Variants in ITPR1 observed in about 807,000 individuals in gnomAD.
ITPR1 encodes inositol 1,4,5-trisphosphate receptor type 1, also known as inositol 1,4,5-trisphosphate-gated calcium channel ITPR1.
ITPR1 carries 96 observed loss-of-function variants against 318.4 expected under a neutral mutation model. The observed-to-expected ratio is 0.30, with a 90% CI of 0.26 to 0.36. The LOEUF (loss-of-function observed/expected upper bound fraction) is 0.36, where lower values mean the gene tolerates loss of function less well. Among genes scored for constraint, ITPR1 ranks in the 10% least tolerant of loss-of-function variants. The pLI, the probability that ITPR1 is intolerant of heterozygous loss-of-function variation, is 1.00. For missense variants in ITPR1, 2,440 were observed against 3,460.2 expected (o/e 0.71, Z 7.40); for synonymous variants, 1,312 against 1,289.9 (o/e 1.02, Z -0.37).
At chr3:4,813,353 G>A in intron 57 of ITPR1, 119 bp downstream of exon 57, 1 of 661,774 alleles carries the variant, frequency 1.5e-6, no homozygotes, top group South Asian at 2.4e-5. Flanking sequence ...TATAGCAAAG[G>A]GGAAAGGCTG....
intron 33 of ITPR1, among the ~76,000 whole-genome samples, chr3:4,696,198 C>G (rs2125253882): frequency 6.6e-6 from 1 of 152,272 alleles, no homozygotes; most frequent in South Asian, 2.1e-4. Flanking sequence ...TGTGCAATCA[C>G]CATCACAATT....
chr3:4,626,531 G>A (rs996099156), intron 4 of ITPR1, among the ~76,000 whole-genome samples: 1 of 152,036 alleles, frequency 6.6e-6, no homozygotes, highest in Non-Finnish European at 1.5e-5. Context: ...TTGGTTTGCT[G>A]GGTTGCATTA....
chr3:4,539,717 TATC>T (rs1254172274), intron 4 of ITPR1, among the ~76,000 whole-genome samples: 1 of 152,110 alleles, frequency 6.6e-6, no homozygotes, highest in African/African-American at 2.4e-5. Context: ...ATTAATGAGT[TATC>T]ATGGAAAGAG....
rs927137497 is a variant in ITPR1, at chr3:4,811,535, C to T, written c.7468+75C>T. ...ATTATAACTGAACTAAAGAAAATAA[C>T]GACTTTAGTAATGCAGATATCTCCC... On this transcript the variant is annotated intron_variant, in intron 56 of 61. Coordinates refer to ENST00000649015, the MANE Select transcript of ITPR1 (RefSeq NM_001378452.1). The T allele has an allele frequency of 3.7e-5, 46 of 1,229,060 alleles. No individual in the cohort carries two copies. In the East Asian group the frequency reaches 7.9e-4, roughly 21 times the overall value. The allele number at this position is 1,229,060 out of a possible 1,614,324, so 76.1% of individuals were successfully genotyped here.
At chr3:4,666,735 T>C (rs977963028) in intron 17 of ITPR1, among the ~76,000 whole-genome samples, 5 of 152,224 alleles carry the variant, frequency 3.3e-5, no homozygotes, top group African/African-American at 1.2e-4. Flanking sequence ...GGAAGCATCT[T>C]TGAACAGAAA....
At chr3:4,791,902 C>G (rs995847867) in intron 52 of ITPR1, among the ~76,000 whole-genome samples, 5 of 152,306 alleles carry the variant, frequency 3.3e-5, no homozygotes, top group Admixed American at 2.0e-4. Flanking sequence ...GCTGCTATAA[C>G]AAATTACCAC....
intron 38 of ITPR1, chr3:4,711,460 G>T: frequency 3.8e-6 from 1 of 264,506 alleles, no homozygotes. Context: ...CTTTATAAAC[G>T]AGCAGGTCTG....
Position 4,676,727 on chromosome 3 carries a change from G to A in ITPR1, c.2893G>A (p.Val965Met). ...CATGGCTGCTGCCCCTGAAGGCAAT[G>A]TGAAGCAGGCAGAGCCTGAGAAGGA... The part of the protein sequence containing the change: ...TPMAAAPEGN[V>M]KQAEPEKEDI... The change falls in exon 24 of 62, where the codon GTG becomes ATG. Residue 965 changes from valine (V) to methionine (M), a missense_variant. By Grantham distance (21) the Val-to-Met change is conservative. Transcript: ENST00000649015. 6.2e-7 allele frequency: 1 copy of A among 1,613,832 alleles called. No individual in the cohort carries two copies. The highest frequency in any genetic ancestry group is 1.3e-5 in the African/African-American group (1 of 75,008).
rs760338353 is a variant in ITPR1 at position 4,717,376 on chromosome 3, A to C, written c.5113A>C (p.Ile1705Leu). 6.3e-7 allele frequency: 1 copy of C among 1,595,604 alleles called. No individual in the cohort carries two copies. Residue 1705 changes from isoleucine to leucine, a missense_variant, in exon 40 of 62, where the codon ATT becomes CTT. Around this residue, in one of 23 missense-constraint regions of ITPR1, gnomAD observed 166 missense variants for 143.7 expected, o/e 1.16. Coordinates refer to ENST00000649015, the MANE Select transcript of ITPR1 (RefSeq NM_001378452.1). Reference sequence around the variant, plus strand: ...CTTTTTTCTTTTCCAGCTAATTTCCATTGATGAATTGGATAATGCTGAGGT... The same window carrying C: ...CTTTTTTCTTTTCCAGCTAATTTCCCTTGATGAATTGGATAATGCTGAGGT... ...DRGYGEKLIS[I>L]DELDNAELPP...
chr3:4,536,209 G>A (rs140006136), intron 4 of ITPR1, among the ~76,000 whole-genome samples: 1 of 152,218 alleles, frequency 6.6e-6, no homozygotes, highest in African/African-American at 2.4e-5. Context: ...ATTGCTCTGG[G>A]TTTTCTTGAA....
At chr3:4,580,087 G>A (rs1361900176) in intron 4 of ITPR1, among the ~76,000 whole-genome samples, 4 of 152,032 alleles carry the variant, frequency 2.6e-5, no homozygotes, top group Non-Finnish European at 5.9e-5. Flanking sequence ...GCAGGAGCCT[G>A]TAGTCCCAGC....
At chr3:4,627,712 A>C (rs374995790) in intron 4 of ITPR1, 51 bp from the exon 5 acceptor site, 1 of 1,041,678 alleles carries the variant, frequency 9.6e-7, no homozygotes, top group Non-Finnish European at 1.5e-6. Context: ...CCTTAGGCTG[A>C]GTCTCTATAC....
chr3:4,674,562 G>T (rs187132646), intron 22 of ITPR1, among the ~76,000 whole-genome samples: 25 of 152,304 alleles, frequency 1.6e-4, no homozygotes, highest in African/African-American at 5.5e-4. Flanking sequence ...AATATACAAG[G>T]TGACTTGAAC....
chr3:4,592,807 T>C (rs1334229315), intron 4 of ITPR1, among the ~76,000 whole-genome samples: 1 of 152,222 alleles, frequency 6.6e-6, no homozygotes, highest in East Asian at 1.9e-4. Flanking sequence ...AGCACTTAGA[T>C]GCCTCTTTGA....
At chr3:4,702,804 A>C (rs1461698537) in intron 35 of ITPR1, 26 bp from the exon 36 acceptor site, 1 of 1,610,470 alleles carries the variant, frequency 6.2e-7, no homozygotes, top group East Asian at 2.2e-5. Context: ...TCTGTTTTTC[A>C]CGTTGCCTCT....
intron 60 of ITPR1, among the ~76,000 whole-genome samples, chr3:4,820,769 C>T (rs2049654477): frequency 6.6e-6 from 1 of 152,252 alleles, no homozygotes; most frequent in Non-Finnish European, 1.5e-5. Context: ...ACGGTGGTGC[C>T]TTCTCGCCTG....
At chr3:4,787,178 C>G (rs2047248167) in intron 51 of ITPR1, among the ~76,000 whole-genome samples, 1 of 151,858 alleles carries the variant, frequency 6.6e-6, no homozygotes, top group African/African-American at 2.4e-5. Context: ...AGGGATAGCA[C>G]CAGCCTCATG....
chr3:4,538,715 T>C (rs2084110884), intron 4 of ITPR1, among the ~76,000 whole-genome samples: 1 of 152,158 alleles, frequency 6.6e-6, no homozygotes. Flanking sequence ...ACTATGCAGC[T>C]ATAAAAAGGA....
rs73807149 is a variant in ITPR1 at position 4,767,231 on chromosome 3, C to T, written c.5725+521C>T. The stretch of plus-strand genomic sequence containing the variant: ...CAAGTTTAGAACTGGGTTTCTCAAC[C>T]ACAGTACAAGTGACATTTGGAGAAT... On this transcript the variant is annotated intron_variant, in intron 45 of 61. Transcript: ENST00000649015. 5.2e-3 allele frequency among the ~76,000 whole-genome samples: 789 copies of T among 152,322 alleles called. 6 individuals are homozygous for T. The highest frequency in any genetic ancestry group is 0.018 in the African/African-American group (753 of 41,572).
Sources: gnomAD v4.1 joint callset for allele counts (sites outside exome capture counted in the v4.1 genomes callset) on GRCh38, gnomAD v4.1.1 for gene constraint, gnomAD v4.1.1 regional missense constraint, MANE v1.5 for transcripts, NCBI Gene and HGNC (gene_info 2026-07-23, HGNC 2026-07-21) for gene names.